The following CAMKK1 variants were observed in gnomAD, a reference collection of about 807,000 sequenced individuals.
CAMKK1 encodes the protein calcium/calmodulin dependent protein kinase kinase 1, also known as calcium/calmodulin-dependent protein kinase kinase 1.
Under a neutral mutation model 63.5 loss-of-function variants are expected in CAMKK1, and 20 were observed. The observed-to-expected ratio is 0.32, with a 90% confidence interval of 0.22 to 0.46. CAMKK1 has a LOEUF of 0.46. CAMKK1 is among the 20% of genes least tolerant of loss of function. The pLI is 1.00. For synonymous variants in CAMKK1, 253 were observed against 269.0 expected, an observed-to-expected ratio of 0.94 and a Z score of 0.58; for missense variants, 588 against 658.1, an observed-to-expected ratio of 0.89 and a Z score of 1.17.
intron 10 of CAMKK1, among the ~76,000 whole-genome samples, chr17:3,873,675 G>C (rs1164703927): frequency 3.3e-5 from 5 of 152,162 alleles, no homozygotes; most frequent in Admixed American, 3.3e-4. Context: ...CCCTCCAGGG[G>C]TTCTGGATTT....
rs1438250261 is a variant in CAMKK1, at chr17:3,879,350, C to T, written c.796+996G>A. The T allele has an allele frequency of 6.5e-6, 1 of 152,734 alleles. No individual in the cohort carries two copies. Among genetic ancestry groups the T allele is most frequent in the African/African-American group, 2.4e-5 (1 of 41,452 alleles). The allele number at this position is 152,734 out of a possible 1,614,324, so 9.5% of individuals were successfully genotyped here. ...GGCTGCCTCTCACCCTCCGATGACA[C>T]ACTCCAATCCAGCCACCACACAGCT... On this transcript the variant is annotated intron_variant, in intron 9 of 15. Coordinates refer to ENST00000348335, the MANE Select transcript of CAMKK1 (RefSeq NM_032294.3). This position sits in a 1 kb window ranked among gnomAD's most constrained non-coding sequence, Gnocchi z 4.5.
intron 10 of CAMKK1, 81 bp downstream of exon 10, chr17:3,876,142 T>C (rs2055140491): frequency 7.5e-7 from 1 of 1,334,574 alleles, no homozygotes; most frequent in African/African-American, 1.5e-5. Flanking sequence ...CCTGGCACCC[T>C]CAGGTTAGAA....
intron 12 of CAMKK1, among the ~76,000 whole-genome samples, chr17:3,871,358 T>TGG (rs2054854621): frequency 9.8e-6 from 1 of 102,438 alleles, no homozygotes; most frequent in African/African-American, 4.9e-5. Flanking sequence ...TTTTTTTTTT[T>TGG]TTTTTTTTTT....
Position 3,885,457 on chromosome 17 carries a change from C to T in CAMKK1, c.231G>A (p.Glu77=). The T allele has an allele frequency of 6.2e-7, 1 of 1,613,544 alleles. No homozygotes were observed. The highest frequency in any genetic ancestry group is 8.5e-7 in the Non-Finnish European group (1 of 1,180,006). Residue 77 remains glutamate (E), a synonymous_variant, in exon 2 of 16, where the codon GAG becomes GAA. Transcript: ENST00000348335. The part of the protein sequence containing the change: ...SLSARKLSLQ[E]RPAGSYLEAQ... ...CCTCCAGATAGCTTCCTGCTGGCCGCTCCTGTAGGGAAAGCTTCCTGGCTG... is the reference window on the plus strand; with the variant it reads ...CCTCCAGATAGCTTCCTGCTGGCCGTTCCTGTAGGGAAAGCTTCCTGGCTG...
At position 3,861,918 on chromosome 17, in the gene CAMKK1, T is replaced by A. The variant is rs1450883604; in HGVS notation, c.*293A>T. ...GGCCATGCCAACCAGCCGGGTGGCA[T>A]TTCTGAGGCTCCATGGGCACCCGGT... On this transcript the variant is annotated 3_prime_UTR_variant, in exon 16 of 16. Coordinates refer to ENST00000348335, the MANE Select transcript of CAMKK1 (RefSeq NM_032294.3). 4.7e-6 allele frequency: 2 copies of A among 427,508 alleles called. No individual in the cohort carries two copies. The highest frequency in any genetic ancestry group is 3.6e-5 in the Admixed American group (1 of 27,508). The allele number at this position is 427,508 out of a possible 1,614,324, so 26.5% of individuals were successfully genotyped here.
In CAMKK1 at chr17:3,883,080, T is replaced by C. The variant is rs2143873976; in HGVS notation, c.610A>G (p.Lys204Glu). ...ACCACATTCACGTGGTCCAGCTTCTTCAGGATGGCAATCTCCTGGTACACC... is the reference window on the plus strand; with the variant it reads ...ACCACATTCACGTGGTCCAGCTTCTCCAGGATGGCAATCTCCTGGTACACC... ...ERVYQEIAILKKLDHVNVVKL... is the reference protein window; with the variant it reads ...ERVYQEIAILEKLDHVNVVKL... The change falls in exon 6 of 16, where the codon AAG becomes GAG. Residue 204 changes from lysine (K) to glutamate (E), a missense_variant. Physicochemically the swap from Lys to Glu is moderately conservative, Grantham distance 56. Around this residue, in one of 3 missense-constraint regions of CAMKK1, gnomAD observed 357 missense variants for 407.4 expected, o/e 0.88. Transcript: ENST00000348335. The surrounding 1 kb of genome is among the most constrained non-coding windows in gnomAD (Gnocchi z 4.7). 6.2e-7 allele frequency: 1 copy of C among 1,613,914 alleles called. No individual in the cohort carries two copies. The highest frequency in any genetic ancestry group is 2.2e-5 in the East Asian group (1 of 44,870).
At position 3,869,491 on chromosome 17, in the gene CAMKK1, G is replaced by A. The variant is rs1436312447; in HGVS notation, c.1337C>T (p.Thr446Met). ...CATCTACCCCGGCTCTCTTACCACC[G>A]TGGTCCAGCTGGGGATGAGCCTGAC... ...NSVRLIPSWT[T>M]VILVKSMLRK... Residue 446 changes from threonine (T) to methionine (M), a missense_variant, in exon 14 of 16, where the codon ACG becomes ATG. Physicochemically the swap from Thr to Met is moderately conservative, Grantham distance 81. Transcript: ENST00000348335. The A allele has an allele frequency of 3.7e-6, 6 of 1,614,052 alleles. No homozygotes were observed. The highest frequency in any genetic ancestry group is 1.6e-4 in the Middle Eastern group (1 of 6,084).
rs979164657 is a variant in CAMKK1 at position 3,892,954 on chromosome 17, C to T, written c.-59G>A. The T allele has an allele frequency of 6.6e-6, 1 of 151,518 alleles. No homozygotes were observed. Among genetic ancestry groups the T allele is most frequent in the Admixed American group, 6.6e-5 (1 of 15,166 alleles). The allele number at this position is 151,518 out of a possible 1,614,324, so 9.4% of individuals were successfully genotyped here. A position where few individuals can be genotyped will look rare whatever the true frequency, so the allele number is the denominator to read the frequency against. ...CGATCCCTACCTGGGCGCCGGGCGA[C>T]AGTGTCCGCGGCCCGGCGGGCGGCC... On this transcript the variant is annotated 5_prime_UTR_variant, in exon 1 of 16. Transcript: ENST00000348335. The surrounding 1 kb of genome is among the most constrained non-coding windows in gnomAD (Gnocchi z 7.5).
chr17:3,882,964 C>T lies in CAMKK1; in HGVS notation c.648+78G>A, dbSNP rs1040473202. Reference sequence around the variant, plus strand: ...CCTGGGCAAGATCCCTGGGTCTGTGCTAGGGGCTCCCCAGCACCAGAAGCG... The same window carrying T: ...CCTGGGCAAGATCCCTGGGTCTGTGTTAGGGGCTCCCCAGCACCAGAAGCG... On this transcript the variant is annotated intron_variant, in intron 6 of 15. Transcript: ENST00000348335. The surrounding 1 kb of genome is among the most constrained non-coding windows in gnomAD (Gnocchi z 4.3). 13 of 1,571,780 alleles carry T rather than the reference C, an allele frequency of 8.3e-6. No individual in the cohort carries two copies. In the African/African-American group the frequency reaches 1.6e-4, roughly 20 times the overall value.
chr17:3,862,175 G>T lies in CAMKK1; in HGVS notation c.*36C>A. ...GTGGGCCTCTGGAGGCGCGGGATGA[G>T]TGTGCTGCCGGGTGGCCCTGGGTGC... On this transcript the variant is annotated 3_prime_UTR_variant, in exon 16 of 16. Coordinates refer to ENST00000348335, the MANE Select transcript of CAMKK1 (RefSeq NM_032294.3). This position sits in a 1 kb window ranked among gnomAD's most constrained non-coding sequence, Gnocchi z 4.1. The T allele has an allele frequency of 6.5e-7, 1 of 1,544,756 alleles. No homozygotes were observed. Among genetic ancestry groups the T allele is most frequent in the Non-Finnish European group, 8.8e-7 (1 of 1,140,304 alleles).
chr17:3,884,537 C>T lies in CAMKK1; in HGVS notation c.361-110G>A, dbSNP rs749371637. ...TGGCCATAAGCTCCTCATTCCCGGA[C>T]CCCCAGGTCTCACCAAGCTTTTGAG... On this transcript the variant is annotated intron_variant, in intron 2 of 15. Coordinates refer to ENST00000348335, the MANE Select transcript of CAMKK1 (RefSeq NM_032294.3). This position sits in a 1 kb window ranked among gnomAD's most constrained non-coding sequence, Gnocchi z 4.5. The T allele has an allele frequency of 3.1e-6, 3 of 973,384 alleles. No homozygotes were observed. Among genetic ancestry groups the T allele is most frequent in the South Asian group, 1.6e-5 (1 of 60,908 alleles). The allele number at this position is 973,384 out of a possible 1,614,324, so 60.3% of individuals were successfully genotyped here. A position where few individuals can be genotyped will look rare whatever the true frequency, so the allele number is the denominator to read the frequency against.
In CAMKK1 at chr17:3,885,537, C is replaced by T. The variant is rs1450685133; in HGVS notation, c.151G>A (p.Ala51Thr). The change falls in exon 2 of 16, where the codon GCC becomes ACC. Residue 51 changes from alanine to threonine, a missense_variant. Physicochemically the swap from Ala to Thr is moderately conservative, Grantham distance 58. Coordinates refer to ENST00000348335, the MANE Select transcript of CAMKK1 (RefSeq NM_032294.3). ...GVDPPPRARA[A>T]SVIPGSTSRL... ...GAAGTACTGCCAGGGATCACAGAGG[C>T]AGCTCTGGCCCGTGGTGGGGGGTCC... 6.2e-7 allele frequency: 1 copy of T among 1,613,872 alleles called. No homozygotes were observed. The highest frequency in any genetic ancestry group is 1.7e-5 in the Admixed American group (1 of 60,004).
chr17:3,882,129 T>C lies in CAMKK1; in HGVS notation c.685+399A>G. On this transcript the variant is annotated intron_variant, in intron 7 of 15. Coordinates refer to ENST00000348335, the MANE Select transcript of CAMKK1 (RefSeq NM_032294.3). The surrounding 1 kb of genome is among the most constrained non-coding windows in gnomAD (Gnocchi z 4.3). ...AATAACGAATGTGCTTTACATATAA[T>C]TACTCATTTACTCTTCACAGGAACC... 1.6e-6 allele frequency: 1 copy of C among 630,774 alleles called. No homozygotes were observed. The highest frequency in any genetic ancestry group is 2.6e-5 in the East Asian group (1 of 37,882). The allele number at this position is 630,774 out of a possible 1,614,324, so 39.1% of individuals were successfully genotyped here.
intron 14 of CAMKK1, among the ~76,000 whole-genome samples, chr17:3,867,379 G>A (rs999572768): frequency 2.6e-5 from 4 of 152,304 alleles, no homozygotes; most frequent in Admixed American, 1.3e-4. Flanking sequence ...AAAACAGGGC[G>A]GGTGGTGGGG....
intron 12 of CAMKK1, among the ~76,000 whole-genome samples, chr17:3,871,109 G>A (rs1282594353): frequency 6.6e-6 from 1 of 152,140 alleles, no homozygotes; most frequent in Non-Finnish European, 1.5e-5. Flanking sequence ...GGCTGGACTG[G>A]AGGGAGGCCA....
At chr17:3,864,325 C>A (rs2054431157) in intron 15 of CAMKK1, among the ~76,000 whole-genome samples, 1 of 152,116 alleles carries the variant, frequency 6.6e-6, no homozygotes, top group Admixed American at 6.6e-5. Context: ...TGGCTCACTG[C>A]AAGCTCTGCC....
At chr17:3,881,175 T>G (rs566724977) in intron 8 of CAMKK1, among the ~76,000 whole-genome samples, 69 of 152,360 alleles carry the variant, frequency 4.5e-4, no homozygotes, top group African/African-American at 1.6e-3. Flanking sequence ...CTGTGTGACC[T>G]TGAGCAAGCC....
In CAMKK1 at chr17:3,885,422, C is replaced by G. The variant is rs1355272323; in HGVS notation, c.266G>C (p.Gly89Ala). The change falls in exon 2 of 16, where the codon GGG (glycine) becomes GCG (alanine). Residue 89 changes from glycine to alanine, a missense_variant. Gly to Ala is a moderately conservative substitution (Grantham distance 60). This residue lies in a region of CAMKK1 where 357 missense variants were observed against 407.4 expected (regional missense o/e 0.88). Transcript: ENST00000348335. ...PAGSYLEAQA[G>A]PYATGPASHI... ...GCTGGCAGGCCCCGTGGCATAAGGC[C>G]CAGCCTGCGCCTCCAGATAGCTTCC... 5.0e-6 allele frequency: 8 copies of G among 1,612,424 alleles called. No homozygotes were observed. Among genetic ancestry groups the G allele is most frequent in the African/African-American group, 1.3e-5 (1 of 74,924 alleles).
At chr17:3,866,762 A>G (rs2054543415) in intron 14 of CAMKK1, among the ~76,000 whole-genome samples, 2 of 150,984 alleles carry the variant, frequency 1.3e-5, no homozygotes, top group African/African-American at 4.9e-5. Flanking sequence ...CTTGTTGCCC[A>G]GGGCTGGAGT....
Sources: allele counts gnomAD v4.1 joint callset (sites outside exome capture counted in the v4.1 genomes callset), GRCh38; gene constraint gnomAD v4.1.1; regional missense constraint gnomAD v4.1.1; non-coding constraint Gnocchi (gnomAD v3.1); transcripts MANE v1.5; gene names NCBI Gene and HGNC (gene_info 2026-07-23, HGNC 2026-07-21).